The following GRM1 variants were observed in gnomAD, a reference collection of about 807,000 sequenced individuals.
GRM1 encodes the protein metabotropic glutamate receptor 1.
GRM1 carries 33 observed loss-of-function variants against 90.9 expected under a neutral mutation model. The observed-to-expected ratio is 0.36, with a 90% CI of 0.28 to 0.49. The LOEUF is 0.49. GRM1 is among the 20% of genes least tolerant of loss of function. The pLI, the probability that GRM1 is intolerant of heterozygous loss-of-function variation, is 0.99. For synonymous variants in GRM1, 700 were observed against 613.2 expected (o/e 1.14, Z -2.09); for missense variants, 1,190 against 1,534.3 (o/e 0.78, Z 3.75).
chr6:146,093,253 A>G (rs1203742936), intron 1 of GRM1, among the ~76,000 whole-genome samples: 2 of 152,104 alleles, frequency 1.3e-5, no homozygotes, highest in Admixed American at 6.6e-5. Context: ...ATTGGCTTGA[A>G]TCCAATGCTT....
At chr6:146,209,044 A>G (rs1308921580) in intron 2 of GRM1, among the ~76,000 whole-genome samples, 1 of 152,154 alleles carries the variant, frequency 6.6e-6, no homozygotes, top group Non-Finnish European at 1.5e-5. Flanking sequence ...TTATTACTCT[A>G]TTCCTGACAG....
chr6:146,028,547 A>G (rs1790584671), upstream of GRM1, among the ~76,000 whole-genome samples: 1 of 151,672 alleles, frequency 6.6e-6, no homozygotes, highest in African/African-American at 2.4e-5. Context: ...GAAACAAGTT[A>G]CCTTATCTGC....
chr6:146,301,428 T>C (rs566789343), intron 2 of GRM1, among the ~76,000 whole-genome samples: 3 of 152,230 alleles, frequency 2.0e-5, no homozygotes, highest in Non-Finnish European at 4.4e-5. Context: ...CTTCTAGAAT[T>C]GACACAAAGC....
At chr6:146,142,528 G>A (rs140609424) in intron 1 of GRM1, among the ~76,000 whole-genome samples, 1 of 152,248 alleles carries the variant, frequency 6.6e-6, no homozygotes, top group East Asian at 1.9e-4. Context: ...TGCCATCTAG[G>A]AGGCAGGACC....
At chr6:146,088,175 C>T (rs570936153) in intron 1 of GRM1, among the ~76,000 whole-genome samples, 5 of 152,104 alleles carry the variant, frequency 3.3e-5, no homozygotes, top group African/African-American at 4.8e-5. Context: ...ATTTGTGTTT[C>T]CCTAAAAGCT....
intron 2 of GRM1, among the ~76,000 whole-genome samples, chr6:146,291,342 C>A (rs1782974167): frequency 6.6e-6 from 1 of 150,508 alleles, no homozygotes. Flanking sequence ...ATAAATATAT[C>A]TTTTTGACAG....
intron 2 of GRM1, among the ~76,000 whole-genome samples, chr6:146,223,446 C>A (rs978291540): frequency 1.4e-4 from 22 of 151,984 alleles, no homozygotes; most frequent in African/African-American, 4.8e-4. Context: ...CTGTGACCGA[C>A]CACAGGCAAG....
At chr6:146,354,285 A>T (rs774594332) in intron 4 of GRM1, among the ~76,000 whole-genome samples, 72 of 152,314 alleles carry the variant, frequency 4.7e-4, no homozygotes, top group Non-Finnish European at 8.8e-4. Flanking sequence ...GGTTCAGAAC[A>T]TTGACTACCT....
chr6:146,034,955 T>C (rs1478135338), intron 1 of GRM1, among the ~76,000 whole-genome samples: 1 of 151,954 alleles, frequency 6.6e-6, no homozygotes, highest in Non-Finnish European at 1.5e-5. Flanking sequence ...TAAATACATG[T>C]AAAGTAAGTA....
At chr6:146,290,999 A>G (rs932450574) in intron 2 of GRM1, among the ~76,000 whole-genome samples, 1 of 152,200 alleles carries the variant, frequency 6.6e-6, no homozygotes, top group East Asian at 1.9e-4. Context: ...AAATGTCTAC[A>G]TCATAATTTC....
In GRM1 at chr6:146,345,855, C is replaced by A. The variant is rs1462224640; in HGVS notation, c.1187-6395C>A. Among the ~76,000 whole-genome samples the A allele has an allele frequency of 2.7e-4, 41 of 152,204 alleles. 1 individual carries two copies. The highest frequency in any genetic ancestry group is 2.7e-3 in the Admixed American group (41 of 15,288). ...AACTTCCCACACTGGCTAAAGCAGT[C>A]AGCTCTCTGTAGCATACTCTGTCTC... On this transcript the variant is annotated intron_variant, in intron 3 of 7. Transcript: ENST00000282753.
At chr6:146,187,446 C>G (rs1419337492) in intron 2 of GRM1, among the ~76,000 whole-genome samples, 1 of 152,002 alleles carries the variant, frequency 6.6e-6, no homozygotes, top group East Asian at 1.9e-4. Flanking sequence ...GAATTTGCTT[C>G]TCATTTTCTG....
intron 2 of GRM1, among the ~76,000 whole-genome samples, chr6:146,250,569 CT>C (rs1451772469): frequency 6.6e-6 from 1 of 152,198 alleles, no homozygotes; most frequent in Non-Finnish European, 1.5e-5. Context: ...AGAACTGTGA[CT>C]CAATTAAACC....
At chr6:146,386,142 C>T (rs578046429) in intron 5 of GRM1, among the ~76,000 whole-genome samples, 1 of 152,162 alleles carries the variant, frequency 6.6e-6, no homozygotes, top group South Asian at 2.1e-4. Flanking sequence ...AAATTGTGTG[C>T]TGTCTACAAG....
chr6:146,078,708 C>G (rs902656901), intron 1 of GRM1, among the ~76,000 whole-genome samples: 1 of 152,236 alleles, frequency 6.6e-6, no homozygotes, highest in South Asian at 2.1e-4. Flanking sequence ...TCAGCAGGAA[C>G]TTAATAAAAC....
chr6:146,085,054 A>G (rs1017304294), intron 1 of GRM1, among the ~76,000 whole-genome samples: 36 of 152,156 alleles, frequency 2.4e-4, no homozygotes, highest in Admixed American at 1.2e-3. Flanking sequence ...TAAGTCTCAA[A>G]GGAATATTTG....
At chr6:146,143,219 A>G (rs1776956282) in intron 1 of GRM1, among the ~76,000 whole-genome samples, 1 of 152,204 alleles carries the variant, frequency 6.6e-6, no homozygotes, top group African/African-American at 2.4e-5. Context: ...GAATTAAAGG[A>G]AACTTTTCTT....
Position 146,295,748 on chromosome 6 carries a change from T to C in GRM1, c.951-8863T>C, listed in dbSNP as rs548586528. On this transcript the variant is annotated intron_variant, in intron 2 of 7. Transcript: ENST00000282753. The stretch of plus-strand genomic sequence containing the variant: ...GCATATTTTCTTTTTTAAAAAACTT[T>C]AGGTTCGAGGGTCATGGGCAGGTTT... 3.2e-4 allele frequency among the ~76,000 whole-genome samples: 48 copies of C among 152,294 alleles called. No individual in the cohort carries two copies. The South Asian group carries it at 4.8e-3, about 15-fold the overall frequency.
chr6:146,129,338 G>A (rs764846694), intron 1 of GRM1, among the ~76,000 whole-genome samples: 1 of 152,102 alleles, frequency 6.6e-6, no homozygotes, highest in Non-Finnish European at 1.5e-5. Flanking sequence ...TAGGATATAT[G>A]GCCTTCTTCT....
Sources: gnomAD v4.1 joint callset for allele counts (sites outside exome capture counted in the v4.1 genomes callset) on GRCh38, gnomAD v4.1.1 for gene constraint, MANE v1.5 for transcripts, NCBI Gene and HGNC (gene_info 2026-07-23, HGNC 2026-07-21) for gene names.